CORO2B: variants seen among roughly 807,000 people sequenced by gnomAD.
CORO2B encodes the protein coronin 2B, also known as coronin-2B.
Under a neutral mutation model 58.8 loss-of-function variants are expected in CORO2B, and 26 were observed. The ratio of observed to expected loss-of-function variants is 0.44; its 90% CI spans 0.32 to 0.61. The LOEUF is 0.61. Ranked by LOEUF, CORO2B falls within the 20% of genes least tolerant of loss-of-function variation. The pLI, the probability that CORO2B is intolerant of heterozygous loss-of-function variation, is 0.04. For synonymous variants in CORO2B, 242 were observed against 253.8 expected, an observed-to-expected ratio of 0.95 and a Z score of 0.44; for missense variants, 460 against 645.1, an observed-to-expected ratio of 0.71 and a Z score of 3.11.
intron 1 of CORO2B, among the ~76,000 whole-genome samples, chr15:68,631,618 G>A (rs1383547748): frequency 6.6e-6 from 1 of 152,162 alleles, no homozygotes; most frequent in Non-Finnish European, 1.5e-5. Flanking sequence ...CCAGGGCCCA[G>A]CTTACAGCCT....
chr15:68,722,854 G>A (rs1169876586), intron 11 of CORO2B, among the ~76,000 whole-genome samples: 1 of 152,016 alleles, frequency 6.6e-6, no homozygotes, highest in Non-Finnish European at 1.5e-5. Flanking sequence ...GATTGCCTGA[G>A]GTTAAGAGTT....
At chr15:68,683,386 C>T (rs991269084) in intron 2 of CORO2B, among the ~76,000 whole-genome samples, 4 of 152,180 alleles carry the variant, frequency 2.6e-5, no homozygotes, top group African/African-American at 9.7e-5. Flanking sequence ...GGCTCTGTGG[C>T]GGGGGAGGAG....
At chr15:68,635,664 T>A (rs73425104) in intron 1 of CORO2B, among the ~76,000 whole-genome samples, 1,617 of 152,326 alleles carry the variant, frequency 0.011, 36 homozygotes, top group African/African-American at 0.036. Flanking sequence ...AAAGCCTTTT[T>A]GTGTCAGGAC....
chr15:68,718,634 T>C (rs1199066699), intron 8 of CORO2B, 64 bp from the exon 9 acceptor site: 2 of 1,346,820 alleles, frequency 1.5e-6, no homozygotes, highest in Non-Finnish European at 2.1e-6. Flanking sequence ...CAGAACATCA[T>C]GGGGTGATGT....
intron 1 of CORO2B, among the ~76,000 whole-genome samples, chr15:68,594,330 C>T (rs539319379): frequency 6.6e-6 from 1 of 152,262 alleles, no homozygotes; most frequent in South Asian, 2.1e-4. Context: ...TGGAACAGAC[C>T]ATTTCCTCCC....
At chr15:68,531,601 G>A in the CORO2B span, among the ~76,000 whole-genome samples, 2 of 129,648 alleles carry the variant, frequency 1.5e-5, no homozygotes, top group Admixed American at 1.7e-4. Flanking sequence ...AAAGAAGGAA[G>A]GAAGGAAGGG....
At chr15:68,643,237 A>G (rs755462544) in intron 1 of CORO2B, among the ~76,000 whole-genome samples, 14 of 151,908 alleles carry the variant, frequency 9.2e-5, no homozygotes, top group Non-Finnish European at 2.1e-4. Context: ...TGTCCTGATG[A>G]GGAGCCAGTG....
At chr15:68,556,112 G>C in the CORO2B span, among the ~76,000 whole-genome samples, 1 of 152,212 alleles carries the variant, frequency 6.6e-6, no homozygotes, top group Non-Finnish European at 1.5e-5. Context: ...ACGGGGAGCG[G>C]GCCAGGCAAA....
At chr15:68,519,562 C>T in the CORO2B span, among the ~76,000 whole-genome samples, 3 of 152,000 alleles carry the variant, frequency 2.0e-5, no homozygotes, top group Non-Finnish European at 2.9e-5. Context: ...CCTCTTTGTT[C>T]GTTGCTTAGT....
At chr15:68,702,975 T>G (rs1439370898) in intron 3 of CORO2B, among the ~76,000 whole-genome samples, 3 of 151,248 alleles carry the variant, frequency 2.0e-5, no homozygotes, top group African/African-American at 4.8e-5. Flanking sequence ...TACAGGCCCA[T>G]GCCACCACTC....
rs113328791 is a variant in CORO2B at position 68,627,237 on chromosome 15, G to T, written c.16-17923G>T. On this transcript the variant is annotated intron_variant, in intron 1 of 11. Transcript: ENST00000261861. ...TGTGTATTCATTATTGTATGATTTT[G>T]TGCTGGTCTCGTATGAGGGATTCAG... Among the ~76,000 whole-genome samples the T allele has an allele frequency of 1.4e-3, 218 of 152,234 alleles. 1 individual carries two copies. Among genetic ancestry groups the T allele is most frequent in the African/African-American group, 5.1e-3 (212 of 41,524 alleles).
At chr15:68,592,113 T>A (rs1899722822) in intron 1 of CORO2B, among the ~76,000 whole-genome samples, 1 of 152,292 alleles carries the variant, frequency 6.6e-6, no homozygotes, top group South Asian at 2.1e-4. Flanking sequence ...GTGTGTCTCC[T>A]TCTGCGCCGT....
At chr15:68,700,112 C>T (rs1204091899) in intron 3 of CORO2B, among the ~76,000 whole-genome samples, 4 of 152,122 alleles carry the variant, frequency 2.6e-5, no homozygotes, top group Non-Finnish European at 5.9e-5. Context: ...TTCAAAGCAC[C>T]TGAGGCATCG....
At chr15:68,616,062 A>C (rs982529275) in intron 1 of CORO2B, among the ~76,000 whole-genome samples, 12 of 152,178 alleles carry the variant, frequency 7.9e-5, no homozygotes, top group African/African-American at 2.9e-4. Flanking sequence ...CCTGTCCAAC[A>C]TGAAGCCTTT....
rs574606522 is a variant in CORO2B, at chr15:68,591,906, T to G, written c.15+12629T>G. On this transcript the variant is annotated intron_variant, in intron 1 of 11. Coordinates refer to ENST00000261861, the MANE Select transcript of CORO2B (RefSeq NM_006091.5). ...GAATGGGATTTCAGGAGCTCCTGCC[T>G]AAACCCTAGCCCTGACCCTCCCTGG... 2.6e-4 allele frequency among the ~76,000 whole-genome samples: 39 copies of G among 152,328 alleles called. 1 individual carries two copies. The highest frequency in any genetic ancestry group is 9.1e-4 in the African/African-American group (38 of 41,592).
chr15:68,725,743 A>C, intron 11 of CORO2B, 100 bp from the exon 12 acceptor site: 1 of 1,500,140 alleles, frequency 6.7e-7, no homozygotes, highest in Non-Finnish European at 9.1e-7. Context: ...GGGGAATGTG[A>C]GGGCACGGGC....
chr15:68,524,353 T>A, the CORO2B span, among the ~76,000 whole-genome samples: 3 of 152,242 alleles, frequency 2.0e-5, no homozygotes, highest in East Asian at 5.8e-4. Context: ...GTTTTAATGA[T>A]ATTAATATTA....
intron 3 of CORO2B, among the ~76,000 whole-genome samples, chr15:68,708,357 CTTTT>C (rs921103212): frequency 4.3e-5 from 5 of 114,960 alleles, no homozygotes; most frequent in African/African-American, 1.5e-4. Context: ...TTTTTTTCTT[CTTTT>C]TTTTTTTTTT....
intron 1 of CORO2B, among the ~76,000 whole-genome samples, chr15:68,609,500 G>C (rs537050916): frequency 3.4e-4 from 51 of 152,164 alleles, no homozygotes; most frequent in Non-Finnish European, 6.0e-4. Flanking sequence ...TCCCAGACTT[G>C]GGTGGAGAGG....
Sources: gnomAD v4.1 joint callset for allele counts (sites outside exome capture counted in the v4.1 genomes callset) on GRCh38, gnomAD v4.1.1 for gene constraint, MANE v1.5 for transcripts, NCBI Gene and HGNC (gene_info 2026-07-23, HGNC 2026-07-21) for gene names.